The following FICD variants were observed in gnomAD, a reference collection of about 807,000 sequenced individuals.
FICD encodes FIC domain protein adenylyltransferase, also known as protein adenylyltransferase FICD.
FICD carries 13 observed loss-of-function variants against 28.0 expected under a neutral mutation model. The observed-to-expected ratio is 0.46, with a 90% CI of 0.30 to 0.74. The LOEUF (loss-of-function observed/expected upper bound fraction) is 0.74, where lower values mean the gene tolerates loss of function less well. Ranked by LOEUF, FICD falls within the 30% of genes least tolerant of loss-of-function variation. The pLI, the probability that FICD is intolerant of heterozygous loss-of-function variation, is 0.07. For synonymous variants in FICD, 268 were observed against 266.4 expected (o/e 1.01, Z -0.06); for missense variants, 576 against 624.5 (o/e 0.92, Z 0.83).
rs1871921197 is a variant in FICD at position 108,516,829 on chromosome 12, A to G, written c.-58-86A>G. 4 of 586,988 alleles carry G rather than the reference A, an allele frequency of 6.8e-6. No homozygotes were observed. In the South Asian group the frequency reaches 1.6e-4, roughly 23 times the overall value. 36.4% of individuals were successfully genotyped at this position (586,988 alleles called of 1,614,324 possible). ...CATCTCTCTAGTGAGCTAAAAGAGC[A>G]GAAGTCTCCAAACCCATCTTCCCAG... On this transcript the variant is annotated intron_variant, in intron 1 of 2. Transcript: ENST00000552695.
In FICD at chr12:108,518,378, C is replaced by T. The variant is rs146083089; in HGVS notation, c.302-22C>T. On this transcript the variant is annotated intron_variant, in intron 2 of 2. Transcript: ENST00000552695. The surrounding 1 kb of genome is among the most constrained non-coding windows in gnomAD (Gnocchi z 4.4). ...GCCCCCTAGCCTCCCTCCCTCACAG[C>T]GCTTCTTTGGCTCTCTTCCAGCGGG... 7.9e-4 allele frequency: 1,272 copies of T among 1,605,246 alleles called. 2 individuals carry two copies. The highest frequency in any genetic ancestry group is 9.9e-4 in the Non-Finnish European group (1,155 of 1,172,142).
Position 108,521,124 on chromosome 12 carries a change from G to A in FICD, c.*1649G>A, listed in dbSNP as rs1872103246. 1 of 152,324 alleles carries A rather than the reference G, an allele frequency of 6.6e-6. No homozygotes were observed. Among genetic ancestry groups the A allele is most frequent in the Admixed American group, 6.5e-5 (1 of 15,300 alleles). 9.4% of individuals were successfully genotyped at this position (152,324 alleles called of 1,614,324 possible). On this transcript the variant is annotated 3_prime_UTR_variant, in exon 3 of 3. Coordinates refer to ENST00000552695, the MANE Select transcript of FICD (RefSeq NM_007076.3). ...GACAGATGTGCTTGCTTCTACTACAGAGCAAGAGAATTTGCACTTTAGCTA... is the reference window on the plus strand; with the variant it reads ...GACAGATGTGCTTGCTTCTACTACAAAGCAAGAGAATTTGCACTTTAGCTA...
Position 108,519,527 on chromosome 12 carries a change from G to A in FICD, c.*52G>A, listed in dbSNP as rs563476978. On this transcript the variant is annotated 3_prime_UTR_variant, in exon 3 of 3. Transcript: ENST00000552695. The surrounding 1 kb of genome is among the most constrained non-coding windows in gnomAD (Gnocchi z 4.5). ...TGTCCTGAGGTAGGAAAAAAAAAAA[G>A]AAACAGCATTTCTAGAAACCTAGTC... The A allele has an allele frequency of 1.6e-4, 177 of 1,120,614 alleles. 1 individual carries two copies. The African/African-American group carries it at 2.6e-3, about 16-fold the overall frequency. 69.4% of individuals were successfully genotyped at this position (1,120,614 alleles called of 1,614,324 possible).
At chr12:108,517,606 C>T (rs773581256) in intron 2 of FICD, among the ~76,000 whole-genome samples, 1 of 152,128 alleles carries the variant, frequency 6.6e-6, no homozygotes, top group Non-Finnish European at 1.5e-5. Flanking sequence ...ACATAACTGT[C>T]GTAAGAGAGC....
Position 108,517,074 on chromosome 12 carries a change from G to A in FICD, c.102G>A (p.Leu34=). The change falls in exon 2 of 3, where the codon CTG becomes CTA. Residue 34 remains leucine, a synonymous_variant. Transcript: ENST00000552695. The part of the protein sequence containing the change: ...FLWVTLLSMV[L]GSLLALLLPL... Reference sequence around the variant, plus strand: ...GGGTGACGCTGCTGAGCATGGTGCTGGGGTCCCTGCTGGCCCTGCTGCTGC... The same window carrying A: ...GGGTGACGCTGCTGAGCATGGTGCTAGGGTCCCTGCTGGCCCTGCTGCTGC... 1 of 1,609,612 alleles carries A rather than the reference G, an allele frequency of 6.2e-7. No individual in the cohort carries two copies.
rs1357713647 is a variant in FICD at position 108,520,260 on chromosome 12, G to A, written c.*785G>A. The A allele has an allele frequency of 1.3e-5, 2 of 152,014 alleles. No individual in the cohort carries two copies. Among genetic ancestry groups the A allele is most frequent in the African/African-American group, 4.8e-5 (2 of 41,358 alleles). The allele number at this position is 152,014 out of a possible 1,614,324, so 9.4% of individuals were successfully genotyped here. A position where few individuals can be genotyped will look rare whatever the true frequency, so the allele number is the denominator to read the frequency against. ...GTAGCAACTCAGGCCAGATGTTTTCGTCTGAAATTCTCTGGGCTTGTCATT... is the reference window on the plus strand; with the variant it reads ...GTAGCAACTCAGGCCAGATGTTTTCATCTGAAATTCTCTGGGCTTGTCATT... On this transcript the variant is annotated 3_prime_UTR_variant, in exon 3 of 3. Transcript: ENST00000552695.
In FICD at chr12:108,519,496, A is replaced by G. The variant is rs1377655462; in HGVS notation, c.*21A>G. ...CCTAACCCTAGAAATCCTCAGTGAC[A>G]AAGGCTGTCCTGAGGTAGGAAAAAA... On this transcript the variant is annotated 3_prime_UTR_variant, in exon 3 of 3. Coordinates refer to ENST00000552695, the MANE Select transcript of FICD (RefSeq NM_007076.3). The surrounding 1 kb of genome is among the most constrained non-coding windows in gnomAD (Gnocchi z 4.5). The G allele has an allele frequency of 6.6e-7, 1 of 1,521,048 alleles. No homozygotes were observed. The highest frequency in any genetic ancestry group is 9.0e-7 in the Non-Finnish European group (1 of 1,109,902). 94.2% of individuals were successfully genotyped at this position (1,521,048 alleles called of 1,614,324 possible). A position where few individuals can be genotyped will look rare whatever the true frequency, so the allele number is the denominator to read the frequency against.
At chr12:108,517,497 CT>C (rs1871946716) in intron 2 of FICD, 3 of 420,794 alleles carry the variant, frequency 7.1e-6, no homozygotes, top group South Asian at 9.7e-5. Context: ...GAAGTGACAC[CT>C]GAGCTGGGAC....
chr12:108,516,926 T>C lies in FICD; in HGVS notation c.-47T>C. On this transcript the variant is annotated 5_prime_UTR_variant, in exon 2 of 3. Coordinates refer to ENST00000552695, the MANE Select transcript of FICD (RefSeq NM_007076.3). ...TTGGCTCCTTGCAGATCCTGCTCTC[T>C]CTCAGCCGCCTGTGGACATGCGCAA... 7.0e-7 allele frequency: 1 copy of C among 1,426,190 alleles called. No homozygotes were observed. The allele number at this position is 1,426,190 out of a possible 1,614,324, so 88.3% of individuals were successfully genotyped here.
In FICD at chr12:108,518,532, A is replaced by C. The variant is rs745970078; in HGVS notation, c.434A>C (p.Glu145Ala). The C allele has an allele frequency of 6.2e-7, 1 of 1,614,192 alleles. No homozygotes were observed. The highest frequency in any genetic ancestry group is 8.5e-7 in the Non-Finnish European group (1 of 1,180,040). ...MDPDFVDALT[E>A]FGIFSEEDKD... ...CCGGACTTCGTGGACGCGCTCACCGAGTTTGGCATCTTCTCGGAAGAAGAC... is the reference window on the plus strand; with the variant it reads ...CCGGACTTCGTGGACGCGCTCACCGCGTTTGGCATCTTCTCGGAAGAAGAC... Residue 145 changes from glutamate to alanine, a missense_variant, in exon 3 of 3, where the codon GAG (glutamate) becomes GCG (alanine). By Grantham distance (107) the Glu-to-Ala change is moderately radical. Coordinates refer to ENST00000552695, the MANE Select transcript of FICD (RefSeq NM_007076.3). This position sits in a 1 kb window ranked among gnomAD's most constrained non-coding sequence, Gnocchi z 4.4.
rs577712478 is a variant in FICD at position 108,517,358 on chromosome 12, G to A, written c.301+85G>A. The A allele has an allele frequency of 5.3e-4, 632 of 1,182,328 alleles. 9 individuals carry two copies. In the South Asian group the frequency reaches 0.011, roughly 20 times the overall value. 73.2% of individuals were successfully genotyped at this position (1,182,328 alleles called of 1,614,324 possible). A position where few individuals can be genotyped will look rare whatever the true frequency, so the allele number is the denominator to read the frequency against. Reference sequence around the variant, plus strand: ...TGTCATGTCCTGTATGTGGGGCATCGGGGTATTGTGAACAAGTCAGCCCTG... The same window carrying A: ...TGTCATGTCCTGTATGTGGGGCATCAGGGTATTGTGAACAAGTCAGCCCTG... On this transcript the variant is annotated intron_variant, in intron 2 of 2. Transcript: ENST00000552695.
In FICD at chr12:108,517,006, G is replaced by A. The variant is rs1871926572; in HGVS notation, c.34G>A (p.Val12Met). ...MLIPMASVMAVTEPKWVSVWS... is the reference protein window; with the variant it reads ...MLIPMASVMAMTEPKWVSVWS... ...CATACCAATGGCTTCAGTGATGGCG[G>A]TGACTGAACCGAAATGGGTCTCGGT... Residue 12 changes from valine (V) to methionine (M), a missense_variant, in exon 2 of 3, where the codon GTG becomes ATG. Coordinates refer to ENST00000552695, the MANE Select transcript of FICD (RefSeq NM_007076.3). The A allele has an allele frequency of 3.2e-6, 5 of 1,544,438 alleles. No homozygotes were observed. Among genetic ancestry groups the A allele is most frequent in the Non-Finnish European group, 4.4e-6 (5 of 1,139,216 alleles).
chr12:108,519,413 G>A lies in FICD; in HGVS notation c.1315G>A (p.Ala439Thr). Residue 439 changes from alanine (A) to threonine (T), a missense_variant, in exon 3 of 3, where the codon GCA becomes ACA. Physicochemically the swap from Ala to Thr is moderately conservative, Grantham distance 58. Coordinates refer to ENST00000552695, the MANE Select transcript of FICD (RefSeq NM_007076.3). This position sits in a 1 kb window ranked among gnomAD's most constrained non-coding sequence, Gnocchi z 4.5. Reference sequence around the variant, plus strand: ...TTTTGCCACAACTGAGTACTCGGTGGCACTGCCAGAAGCCCAACCCAACCA... The same window carrying A: ...TTTTGCCACAACTGAGTACTCGGTGACACTGCCAGAAGCCCAACCCAACCA... ...LLFATTEYSV[A>T]LPEAQPNHSG... 6.2e-7 allele frequency: 1 copy of A among 1,614,050 alleles called. No homozygotes were observed. The highest frequency in any genetic ancestry group is 8.5e-7 in the Non-Finnish European group (1 of 1,180,006).
Position 108,519,134 on chromosome 12 carries a change from C to A in FICD, c.1036C>A (p.Leu346Met). ...GCTCAACTCCGAGGAAGCCATGAAC[C>A]TGCACCCAGTGGAGTTTGCAGCCTT... is the stretch of plus-strand genomic sequence containing the variant. ...QWLNSEEAMN[L>M]HPVEFAALAH... is the part of the protein sequence containing the mutation. The change falls in exon 3 of 3, where the codon CTG becomes ATG. Residue 346 changes from leucine (L) to methionine (M), a missense_variant. Coordinates refer to ENST00000552695, the MANE Select transcript of FICD (RefSeq NM_007076.3). The surrounding 1 kb of genome is among the most constrained non-coding windows in gnomAD (Gnocchi z 4.5). The A allele has an allele frequency of 6.2e-7, 1 of 1,614,262 alleles. No homozygotes were observed. The highest frequency in any genetic ancestry group is 8.5e-7 in the Non-Finnish European group (1 of 1,180,042).
chr12:108,518,258 C>T lies in FICD; in HGVS notation c.302-142C>T, dbSNP rs774851840. On this transcript the variant is annotated intron_variant, in intron 2 of 2. Transcript: ENST00000552695. This position sits in a 1 kb window ranked among gnomAD's most constrained non-coding sequence, Gnocchi z 4.4. ...CCGGGCATGTTGAGTACACACGATG[C>T]GGCTGCAACAAGCTCCTCAAGGCCA... is the stretch of plus-strand genomic sequence containing the variant. 3.3e-5 allele frequency: 24 copies of T among 734,672 alleles called. No individual in the cohort carries two copies. The highest frequency in any genetic ancestry group is 5.3e-5 in the Non-Finnish European group (22 of 412,836). 45.5% of individuals were successfully genotyped at this position (734,672 alleles called of 1,614,324 possible). A position where few individuals can be genotyped will look rare whatever the true frequency, so the allele number is the denominator to read the frequency against.
chr12:108,515,509 T>C (rs1253713937), intron 1 of FICD, 148 bp downstream of exon 1: 1 of 152,180 alleles, frequency 6.6e-6, no homozygotes, highest in Non-Finnish European at 1.5e-5. Flanking sequence ...CGGGCCTCAG[T>C]TCTCCCTTTC....
intron 2 of FICD, chr12:108,517,982 C>T (rs1052188405): frequency 9.7e-5 from 61 of 630,782 alleles, no homozygotes; most frequent in Middle Eastern, 4.2e-4. Context: ...TTGGGCCTCC[C>T]GGGGCAGGAA....
chr12:108,515,876 T>G (rs1394115568), intron 1 of FICD, among the ~76,000 whole-genome samples: 3 of 152,318 alleles, frequency 2.0e-5, no homozygotes, highest in African/African-American at 4.8e-5. Context: ...CCCTGGGGTT[T>G]CCTTCCGGAT....
At position 108,519,411 on chromosome 12, in the gene FICD, T is replaced by G; in HGVS notation, c.1313T>G (p.Val438Gly). 1 of 1,613,938 alleles carries G rather than the reference T, an allele frequency of 6.2e-7. No individual in the cohort carries two copies. Among genetic ancestry groups the G allele is most frequent in the African/African-American group, 1.3e-5 (1 of 74,946 alleles). ...CTTTTTGCCACAACTGAGTACTCGGTGGCACTGCCAGAAGCCCAACCCAAC... is the reference window on the plus strand; with the variant it reads ...CTTTTTGCCACAACTGAGTACTCGGGGGCACTGCCAGAAGCCCAACCCAAC... ...TLLFATTEYSVALPEAQPNHS... is the reference protein window; with the variant it reads ...TLLFATTEYSGALPEAQPNHS... Residue 438 changes from valine (V) to glycine (G), a missense_variant, in exon 3 of 3, where the codon GTG (valine) becomes GGG (glycine). Physicochemically the swap from Val to Gly is moderately radical, Grantham distance 109. Coordinates refer to ENST00000552695, the MANE Select transcript of FICD (RefSeq NM_007076.3). This position sits in a 1 kb window ranked among gnomAD's most constrained non-coding sequence, Gnocchi z 4.5.
Sources: gnomAD v4.1 joint callset for allele counts (sites outside exome capture counted in the v4.1 genomes callset) on GRCh38, gnomAD v4.1.1 for gene constraint, Gnocchi (gnomAD v3.1) non-coding constraint, MANE v1.5 for transcripts, NCBI Gene and HGNC (gene_info 2026-07-23, HGNC 2026-07-21) for gene names.